Variants in NBEA observed in about 807,000 individuals in gnomAD.
NBEA encodes lysosomal-trafficking regulator 2.
A neutral mutation model predicts 343.4 loss-of-function variants in NBEA; 44 were observed. That is an observed-to-expected ratio of 0.13 (90% CI 0.10 to 0.16). NBEA has a LOEUF of 0.16. Among genes scored for constraint, NBEA ranks in the 10% least tolerant of loss-of-function variants. The pLI is 1.00. For synonymous variants in NBEA, 1,175 were observed against 1,238.7 expected (o/e 0.95, Z 1.08); for missense variants, 2,555 against 3,631.3 (o/e 0.70, Z 7.62).
At chr13:35,024,637 A>G (rs2061956998) in intron 1 of NBEA, among the ~76,000 whole-genome samples, 1 of 152,096 alleles carries the variant, frequency 6.6e-6, no homozygotes, top group Non-Finnish European at 1.5e-5. Context: ...CTGAGATTGT[A>G]CCACTGCACT....
At chr13:35,661,182 C>T (rs1409241326) in intron 55 of NBEA, among the ~76,000 whole-genome samples, 2 of 152,144 alleles carry the variant, frequency 1.3e-5, no homozygotes, top group African/African-American at 4.8e-5. Flanking sequence ...GTGTTCTGAT[C>T]AGAGAGCTTC....
At chr13:35,545,348 C>T (rs2079016116) in intron 41 of NBEA, among the ~76,000 whole-genome samples, 1 of 152,190 alleles carries the variant, frequency 6.6e-6, no homozygotes, top group Non-Finnish European at 1.5e-5. Flanking sequence ...ACTCTATCCT[C>T]CACATGCCTC....
At chr13:35,277,808 C>T (rs1221938599) in intron 34 of NBEA, among the ~76,000 whole-genome samples, 1 of 151,606 alleles carries the variant, frequency 6.6e-6, no homozygotes, top group Non-Finnish European at 1.5e-5. Flanking sequence ...GATTTAGAGT[C>T]GGTTACAGTG....
intron 10 of NBEA, among the ~76,000 whole-genome samples, chr13:35,074,706 T>C (rs1024667737): frequency 6.6e-6 from 1 of 152,292 alleles, no homozygotes; most frequent in Middle Eastern, 3.4e-3. Context: ...TTATTGTGTA[T>C]GTTTAAGGTA....
intron 41 of NBEA, chr13:35,476,174 C>T (rs1566190837): frequency 1.9e-6 from 3 of 1,611,796 alleles, no homozygotes; most frequent in East Asian, 2.2e-5. Context: ...ACCGGAGTCT[C>T]GCAGTAAGCT....
chr13:35,607,028 A>G (rs539244742), intron 48 of NBEA, among the ~76,000 whole-genome samples: 1 of 152,262 alleles, frequency 6.6e-6, no homozygotes, highest in East Asian at 1.9e-4. Context: ...TATGGTGTAA[A>G]CATTCTGAAA....
In NBEA at chr13:35,606,594, C is replaced by T. The variant is rs1207367583; in HGVS notation, c.7449+16C>T. 3.8e-6 allele frequency: 6 copies of T among 1,577,386 alleles called. No individual in the cohort carries two copies. The highest frequency in any genetic ancestry group is 3.5e-5 in the South Asian group (3 of 85,154). On this transcript the variant is annotated intron_variant, in intron 48 of 58. Coordinates refer to ENST00000379939, the MANE Select transcript of NBEA (RefSeq NM_001385012.1). Reference sequence around the variant, plus strand: ...CAACAGGATGGTAAGAGAGATTTTGCTTTTGCTTGGGCAGTCATCAGGGAG... The same window carrying T: ...CAACAGGATGGTAAGAGAGATTTTGTTTTTGCTTGGGCAGTCATCAGGGAG...
At chr13:35,196,951 G>A (rs2072655664) in intron 31 of NBEA, among the ~76,000 whole-genome samples, 1 of 152,074 alleles carries the variant, frequency 6.6e-6, no homozygotes, top group African/African-American at 2.4e-5. Flanking sequence ...ACATTCAAAT[G>A]TTAAATCATG....
intron 30 of NBEA, among the ~76,000 whole-genome samples, chr13:35,191,218 G>A (rs747194634): frequency 6.6e-6 from 1 of 151,984 alleles, no homozygotes; most frequent in African/African-American, 2.4e-5. Context: ...AAAGAAAGGA[G>A]CAGAAAGAAA....
chr13:35,304,119 C>T (rs1260219385), intron 35 of NBEA, among the ~76,000 whole-genome samples: 2 of 152,110 alleles, frequency 1.3e-5, no homozygotes, highest in Non-Finnish European at 2.9e-5. Context: ...GTGACACAGT[C>T]CTACTGTCAG....
Position 35,085,472 on chromosome 13 carries a change from A to G in NBEA, c.1572-12825A>G, listed in dbSNP as rs539314482. On this transcript the variant is annotated intron_variant, in intron 10 of 58. Transcript: ENST00000379939. ...GTAATCCAGCATATGAACAGAACCAATGACAAAAACCGCATGATTATCTCA... is the reference window on the plus strand; with the variant it reads ...GTAATCCAGCATATGAACAGAACCAGTGACAAAAACCGCATGATTATCTCA... Among the ~76,000 whole-genome samples the G allele has an allele frequency of 7.2e-5, 11 of 152,336 alleles. No homozygotes were observed. The East Asian group carries it at 1.5e-3, about 21-fold the overall frequency.
intron 41 of NBEA, among the ~76,000 whole-genome samples, chr13:35,477,840 TAAATC>T (rs2075944877): frequency 1.3e-5 from 2 of 152,194 alleles, no homozygotes; most frequent in Non-Finnish European, 2.9e-5. Flanking sequence ...AAAAATGAAA[TAAATC>T]ATTTCATTTC....
chr13:35,073,730 C>T (rs963648617), intron 10 of NBEA, among the ~76,000 whole-genome samples: 5 of 151,916 alleles, frequency 3.3e-5, no homozygotes, highest in East Asian at 3.9e-4. Context: ...TGCTTGAGTC[C>T]GGAATTTCAA....
intron 43 of NBEA, among the ~76,000 whole-genome samples, chr13:35,554,558 T>TC (rs2079496292): frequency 6.6e-6 from 1 of 152,242 alleles, no homozygotes; most frequent in South Asian, 2.1e-4. Flanking sequence ...TCTGTGTGTG[T>TC]GAAGGCAAGT....
At chr13:35,018,722 CT>C (rs767639961) in intron 1 of NBEA, among the ~76,000 whole-genome samples, 8 of 151,942 alleles carry the variant, frequency 5.3e-5, no homozygotes, top group African/African-American at 1.5e-4. Flanking sequence ...ATCTTTATGC[CT>C]TTAATTTATT....
rs1033391820 is a variant in NBEA, at chr13:35,327,479, A to G, written c.5903+17887A>G. Among the ~76,000 whole-genome samples, 6 of 152,110 alleles carry G rather than the reference A, an allele frequency of 3.9e-5. No homozygotes were observed. In the East Asian group the frequency reaches 9.6e-4, roughly 24 times the overall value. ...GAATTAAATCACGTTCTTTGCAGCAATATCGATGTAGCTAGATGCCATTAT... is the reference window on the plus strand; with the variant it reads ...GAATTAAATCACGTTCTTTGCAGCAGTATCGATGTAGCTAGATGCCATTAT... On this transcript the variant is annotated intron_variant, in intron 36 of 58. Coordinates refer to ENST00000379939, the MANE Select transcript of NBEA (RefSeq NM_001385012.1).
intron 18 of NBEA, among the ~76,000 whole-genome samples, chr13:35,147,841 A>G (rs1204511257): frequency 6.6e-6 from 1 of 152,188 alleles, no homozygotes; most frequent in East Asian, 1.9e-4. Flanking sequence ...GGGTTTTGAT[A>G]AAGAGCTATG....
chr13:35,317,370 C>G, intron 36 of NBEA, among the ~76,000 whole-genome samples: 1 of 152,140 alleles, frequency 6.6e-6, no homozygotes, highest in Non-Finnish European at 1.5e-5. Context: ...AATCCTTTCC[C>G]CATTGCTTGA....
chr13:35,110,700 C>G, intron 12 of NBEA, 110 bp from the exon 13 acceptor site: 1 of 720,434 alleles, frequency 1.4e-6, no homozygotes, highest in Non-Finnish European at 2.0e-6. Context: ...AATAAATGGT[C>G]ATTTCTTGGT....
Sources: allele counts gnomAD v4.1 joint callset (sites outside exome capture counted in the v4.1 genomes callset), GRCh38; gene constraint gnomAD v4.1.1; transcripts MANE v1.5; gene names NCBI Gene and HGNC (gene_info 2026-07-23, HGNC 2026-07-21).